The following CLVS1 variants were observed in gnomAD, a reference collection of about 807,000 sequenced individuals.
The protein encoded by CLVS1 is clavesin 1.
In CLVS1, 10 loss-of-function variants were observed where a neutral mutation model predicts 33.1. The observed-to-expected ratio is 0.30, with a 90% CI of 0.19 to 0.51. CLVS1 has a LOEUF of 0.51. Among genes scored for constraint, CLVS1 ranks in the 20% least tolerant of loss-of-function variants. The pLI is 0.97. For missense variants in CLVS1, 343 were observed against 433.4 expected (o/e 0.79, Z 1.85); for synonymous variants, 163 against 166.1 (o/e 0.98, Z 0.14).
chr8:61,016,673 G>A, the CLVS1 span, among the ~76,000 whole-genome samples: 1 of 152,224 alleles, frequency 6.6e-6, no homozygotes, highest in Non-Finnish European at 1.5e-5. Context: ...GCATACATAA[G>A]AGTGGAAGCT....
intron 2 of CLVS1, among the ~76,000 whole-genome samples, chr8:61,270,073 G>A (rs1433992874): frequency 2.0e-5 from 3 of 152,066 alleles, no homozygotes; most frequent in Non-Finnish European, 4.4e-5. Context: ...GGTGAGAGAG[G>A]GCATCCCTCT....
At chr8:61,188,505 A>T (rs75123203) in intron 2 of CLVS1, among the ~76,000 whole-genome samples, 1 of 36,914 alleles carries the variant, frequency 2.7e-5, no homozygotes, top group Admixed American at 2.3e-4. Context: ...ATGCTTAAAT[A>T]AATTAGAGAA....
At chr8:61,013,865 C>T in the CLVS1 span, among the ~76,000 whole-genome samples, 44 of 152,296 alleles carry the variant, frequency 2.9e-4, no homozygotes, top group African/African-American at 1.1e-3. Flanking sequence ...AGGTTGGACG[C>T]AGCCTGTTGT....
At chr8:61,159,089 T>G (rs1484592711) in intron 2 of CLVS1, among the ~76,000 whole-genome samples, 1 of 152,138 alleles carries the variant, frequency 6.6e-6, no homozygotes, top group Non-Finnish European at 1.5e-5. Context: ...CCCAGGCTGG[T>G]CTCAAACTCC....
chr8:61,196,588 CT>C lies in CLVS1; in HGVS notation c.-152+64730del, dbSNP rs533559649. Among the ~76,000 whole-genome samples, 284 of 152,304 alleles carry C rather than the reference CT, an allele frequency of 1.9e-3. 3 individuals carry two copies. Among genetic ancestry groups the C allele is most frequent in the African/African-American group, 6.6e-3 (274 of 41,560 alleles). On this transcript the variant is annotated intron_variant, in intron 2 of 2. Coordinates refer to the CLVS1 transcript ENST00000522621. ...AAGGATATTGTCAGGGTTACTTGTT[CT>C]TACCTGTTTCCCCTACCCTACTGCC...
At chr8:61,438,001 C>T (rs1021051056) in intron 3 of CLVS1, among the ~76,000 whole-genome samples, 1 of 152,118 alleles carries the variant, frequency 6.6e-6, no homozygotes, top group South Asian at 2.1e-4. Context: ...GATGTGTGAA[C>T]TTGGACAAGT....
chr8:61,113,845 T>C (rs1290047895), intron 1 of CLVS1, among the ~76,000 whole-genome samples: 1 of 152,228 alleles, frequency 6.6e-6, no homozygotes, highest in East Asian at 1.9e-4. Context: ...TTGCCCAGGC[T>C]GGTCTCAAAT....
In CLVS1 at chr8:61,117,538, T is replaced by C. The variant is rs1183874490; in HGVS notation, c.-242-14232T>C. On this transcript the variant is annotated intron_variant, in intron 1 of 2. Transcript: ENST00000522621. ...ATAGATAGCTCTTATTATTTTGAAA[T>C]ACATCCCATCAATACCTAATTTATT... Among the ~76,000 whole-genome samples the C allele has an allele frequency of 8.1e-4, 121 of 150,212 alleles. 1 individual carries two copies. Among genetic ancestry groups the C allele is most frequent in the Non-Finnish European group, 1.5e-4 (10 of 67,262 alleles).
intron 2 of CLVS1, among the ~76,000 whole-genome samples, chr8:61,355,598 T>C (rs1207378885): frequency 3.9e-5 from 6 of 152,180 alleles, no homozygotes; most frequent in Admixed American, 3.9e-4. Flanking sequence ...CAGAGCCTGA[T>C]GTTCCCTTTC....
upstream of CLVS1, among the ~76,000 whole-genome samples, chr8:61,283,591 C>G (rs1245010642): frequency 1.3e-5 from 2 of 152,132 alleles, no homozygotes; most frequent in East Asian, 3.9e-4. Flanking sequence ...ATACATTTCC[C>G]CCACCATGAT....
At chr8:61,349,588 T>C (rs1055361581) in intron 2 of CLVS1, among the ~76,000 whole-genome samples, 1 of 152,044 alleles carries the variant, frequency 6.6e-6, no homozygotes, top group African/African-American at 2.4e-5. Context: ...TTTGTTTTTG[T>C]TTTTTAGGTT....
At chr8:61,112,799 C>CA (rs1272031092) in intron 1 of CLVS1, among the ~76,000 whole-genome samples, 1 of 151,118 alleles carries the variant, frequency 6.6e-6, no homozygotes, top group Non-Finnish European at 1.5e-5. Flanking sequence ...CTGTAGTTTC[C>CA]TTTTTTTTTA....
At chr8:61,357,489 C>CTTTTATTTTTTTTTTTTTTTT (rs1462908906) in intron 2 of CLVS1, among the ~76,000 whole-genome samples, 4 of 30,284 alleles carry the variant, frequency 1.3e-4, no homozygotes, top group Admixed American at 3.7e-4. Flanking sequence ...TTTCCTTTTT[C>CTTTTATTTTTTTTTTTTTTTT]TTTTCTTTTT....
chr8:61,265,429 T>A (rs929104454), intron 2 of CLVS1, among the ~76,000 whole-genome samples: 1 of 152,262 alleles, frequency 6.6e-6, no homozygotes, highest in Admixed American at 6.5e-5. Context: ...TCTCCATTTT[T>A]AATCTGTAAA....
chr8:61,139,262 A>T (rs192192027), intron 2 of CLVS1, among the ~76,000 whole-genome samples: 1 of 152,216 alleles, frequency 6.6e-6, no homozygotes, highest in East Asian at 1.9e-4. Context: ...CCGCGGGGGC[A>T]GCGGAACCGC....
chr8:61,284,217 G>A (rs958955058), upstream of CLVS1, among the ~76,000 whole-genome samples: 2 of 152,112 alleles, frequency 1.3e-5, no homozygotes, highest in African/African-American at 4.8e-5. Context: ...GGATGGAGAG[G>A]GCAGGACAGA....
At chr8:61,187,268 C>T (rs1585673002) in intron 2 of CLVS1, among the ~76,000 whole-genome samples, 1 of 152,096 alleles carries the variant, frequency 6.6e-6, no homozygotes, top group African/African-American at 2.4e-5. Flanking sequence ...TTCATTTAAG[C>T]ATGCTAGATA....
chr8:61,093,749 A>G (rs1805296872), intron 1 of CLVS1, among the ~76,000 whole-genome samples: 1 of 152,208 alleles, frequency 6.6e-6, no homozygotes, highest in African/African-American at 2.4e-5. Flanking sequence ...CCCCCCAGCA[A>G]GAAATCACTG....
At chr8:61,305,966 G>C (rs1810610774) in intron 2 of CLVS1, among the ~76,000 whole-genome samples, 1 of 152,132 alleles carries the variant, frequency 6.6e-6, no homozygotes, top group Admixed American at 6.5e-5. Flanking sequence ...TTGATTCCAT[G>C]TCTTTGCTAC....
Sources: allele counts gnomAD v4.1 joint callset (sites outside exome capture counted in the v4.1 genomes callset), GRCh38; gene constraint gnomAD v4.1.1; transcripts MANE v1.5; gene names NCBI Gene and HGNC (gene_info 2026-07-23, HGNC 2026-07-21).